TAFA2: variants seen among roughly 807,000 people sequenced by gnomAD.
The protein encoded by TAFA2 is TAFA chemokine like family member 2, also known as chemokine-like protein TAFA-2.
Under a neutral mutation model 18.8 loss-of-function variants are expected in TAFA2, and 7 were observed. The ratio of observed to expected loss-of-function variants is 0.37; its 90% CI spans 0.21 to 0.70. The LOEUF is 0.70. Among genes scored for constraint, TAFA2 ranks in the 30% least tolerant of loss-of-function variants. The probability of loss-of-function intolerance (pLI) is 0.53; values close to 1 mark genes in which losing one functional copy is unlikely to be tolerated. For synonymous variants in TAFA2, 60 were observed against 54.2 expected (o/e 1.11, Z -0.47); for missense variants, 122 against 158.1 (o/e 0.77, Z 1.23).
chr12:62,100,543 C>G (rs1869148731), intron 1 of TAFA2, among the ~76,000 whole-genome samples: 1 of 152,068 alleles, frequency 6.6e-6, no homozygotes. Flanking sequence ...ATTTGCAATC[C>G]CTTACCCACC....
At chr12:61,787,630 A>G (rs1315412281) in intron 2 of TAFA2, among the ~76,000 whole-genome samples, 1 of 151,716 alleles carries the variant, frequency 6.6e-6, no homozygotes, top group Non-Finnish European at 1.5e-5. Flanking sequence ...ATAAGCTTAA[A>G]GTAGTCTGTT....
At chr12:61,996,843 A>G (rs11174269) in intron 1 of TAFA2, among the ~76,000 whole-genome samples, 4,336 of 152,224 alleles carry the variant, frequency 0.028, 208 homozygotes, top group African/African-American at 0.098. Flanking sequence ...TTATAACCTT[A>G]CCAAGAAAAA....
At position 62,043,773 on chromosome 12, in the gene TAFA2, GT is replaced by G. The variant is rs535807846; in HGVS notation, c.-2+147485del. Among the ~76,000 whole-genome samples the G allele has an allele frequency of 2.2e-4, 34 of 152,170 alleles. 1 individual carries two copies. The highest frequency in any genetic ancestry group is 4.3e-4 in the Non-Finnish European group (29 of 67,982). ...TATATCTTGCATATAATACATGATA[GT>G]TTCATCCTATGTCAAATCCATAAAT... On this transcript the variant is annotated intron_variant, in intron 1 of 4. Coordinates refer to ENST00000416284, the MANE Select transcript of TAFA2 (RefSeq NM_178539.5).
chr12:61,822,399 T>G (rs1368342124), intron 2 of TAFA2, among the ~76,000 whole-genome samples: 1 of 152,154 alleles, frequency 6.6e-6, no homozygotes, highest in Non-Finnish European at 1.5e-5. Flanking sequence ...CAAATGATGT[T>G]GCTTTCAGTC....
chr12:61,940,302 G>A (rs7311910), intron 1 of TAFA2, among the ~76,000 whole-genome samples: 29,657 of 152,176 alleles, frequency 0.19, 2,956 homozygotes, highest in Middle Eastern at 0.27. Context: ...TTGTGAACAA[G>A]GGGACCCACA....
intron 4 of TAFA2, among the ~76,000 whole-genome samples, chr12:61,724,980 T>C (rs555868762): frequency 1.8e-3 from 279 of 152,092 alleles, no homozygotes; most frequent in Non-Finnish European, 3.3e-3. Context: ...CCAATGTCTA[T>C]TATTTTTTGA....
chr12:61,954,546 C>A (rs556930238), intron 1 of TAFA2, among the ~76,000 whole-genome samples: 12 of 152,234 alleles, frequency 7.9e-5, no homozygotes, highest in Admixed American at 7.9e-4. Flanking sequence ...ACAAAACACA[C>A]ACACACACAC....
intron 2 of TAFA2, among the ~76,000 whole-genome samples, chr12:61,764,834 T>C (rs1171143824): frequency 1.3e-5 from 2 of 152,106 alleles, no homozygotes; most frequent in African/African-American, 4.8e-5. Context: ...ATTTCTTATC[T>C]GTATGAAGTT....
At chr12:62,164,284 T>TGAGAACATCTATCTTGTTCCTC (rs2062424888) in intron 1 of TAFA2, among the ~76,000 whole-genome samples, 1 of 152,178 alleles carries the variant, frequency 6.6e-6, no homozygotes, top group South Asian at 2.1e-4. Context: ...CTCTTGAACA[T>TGAGAACATCTATCTTGTTCCTC]GAGAACATCT....
intron 1 of TAFA2, among the ~76,000 whole-genome samples, chr12:61,869,062 G>T (rs931128388): frequency 4.6e-5 from 7 of 152,116 alleles, no homozygotes; most frequent in African/African-American, 1.7e-4. Flanking sequence ...GTATATGTTT[G>T]ATCCTTAAGT....
At chr12:62,168,075 C>G (rs1054220156) in intron 1 of TAFA2, among the ~76,000 whole-genome samples, 2 of 152,066 alleles carry the variant, frequency 1.3e-5, no homozygotes, top group Non-Finnish European at 2.9e-5. Flanking sequence ...TTGTGTGTGT[C>G]TGTGTGTGTG....
rs775755094 is a variant in TAFA2, at chr12:61,955,632, AATATATATATATATAT to A, written c.-1-88222_-1-88207del. On this transcript the variant is annotated intron_variant, in intron 1 of 4. Coordinates refer to ENST00000416284, the MANE Select transcript of TAFA2 (RefSeq NM_178539.5). ...AAAAAAAAAAAAAAAAAAAAAAAAAAATATATATATATATATATATATATATATATATATATATTTA... is the reference window on the plus strand; with the variant it reads ...AAAAAAAAAAAAAAAAAAAAAAAAAAATATATATATATATATATATATTTA... Among the ~76,000 whole-genome samples, 321 of 41,190 alleles carry A rather than the reference AATATATATATATATAT, an allele frequency of 7.8e-3. 11 individuals are homozygous for A. The East Asian group carries it at 0.079, about 10-fold the overall frequency. The allele number at this position is 41,190 out of a possible 152,430, so 27.0% of individuals were successfully genotyped here. A position where few individuals can be genotyped will look rare whatever the true frequency, so the allele number is the denominator to read the frequency against.
At chr12:61,979,550 G>A (rs955527091) in intron 1 of TAFA2, among the ~76,000 whole-genome samples, 1 of 151,998 alleles carries the variant, frequency 6.6e-6, no homozygotes, top group African/African-American at 2.4e-5. Context: ...GAGTGAGAAA[G>A]GAGTGAGGTA....
chr12:61,955,076 AAAT>A (rs1878604515), intron 1 of TAFA2, among the ~76,000 whole-genome samples: 1 of 152,116 alleles, frequency 6.6e-6, no homozygotes, highest in South Asian at 2.1e-4. Flanking sequence ...CATCATCTGG[AAAT>A]AATATTAGTT....
In TAFA2 at chr12:61,713,316, G is replaced by A. The variant is rs774985851; in HGVS notation, c.385-2899C>T. Among the ~76,000 whole-genome samples the A allele has an allele frequency of 2.0e-5, 3 of 152,022 alleles. 1 individual carries two copies. Among genetic ancestry groups the A allele is most frequent in the South Asian group, 4.1e-4 (2 of 4,824 alleles). ...TTCTCTATGTCACTTTCCTTTTTCC[G>A]TCTATAAATCTTCCACAACGTGTCT... On this transcript the variant is annotated intron_variant, in intron 4 of 4. Coordinates refer to ENST00000416284, the MANE Select transcript of TAFA2 (RefSeq NM_178539.5).
At chr12:62,107,082 A>G (rs1461412451) in intron 1 of TAFA2, among the ~76,000 whole-genome samples, 4 of 152,200 alleles carry the variant, frequency 2.6e-5, no homozygotes, top group Non-Finnish European at 4.4e-5. Context: ...ATTCACTTCT[A>G]TCTACCTCCC....
chr12:61,952,050 A>G (rs545250468), intron 1 of TAFA2, among the ~76,000 whole-genome samples: 4 of 152,246 alleles, frequency 2.6e-5, no homozygotes, highest in African/African-American at 7.2e-5. Context: ...ACTAATTACC[A>G]AAGAAAATAA....
chr12:62,029,587 A>G (rs1881397625), intron 1 of TAFA2, among the ~76,000 whole-genome samples: 1 of 151,048 alleles, frequency 6.6e-6, no homozygotes, highest in Non-Finnish European at 1.5e-5. Context: ...ACATGCCATA[A>G]TGACATTATA....
At chr12:62,159,595 T>A (rs183674203) in intron 1 of TAFA2, among the ~76,000 whole-genome samples, 1 of 152,308 alleles carries the variant, frequency 6.6e-6, no homozygotes, top group Non-Finnish European at 1.5e-5. Flanking sequence ...CCAATCAAGA[T>A]AAAATTGTAG....
Sources: allele counts gnomAD v4.1 joint callset (sites outside exome capture counted in the v4.1 genomes callset), GRCh38; gene constraint gnomAD v4.1.1; transcripts MANE v1.5; gene names NCBI Gene and HGNC (gene_info 2026-07-23, HGNC 2026-07-21).